The following LYST variants were observed in gnomAD, a reference collection of about 807,000 sequenced individuals.
The protein encoded by LYST is lysosomal trafficking regulator, also known as lysosomal-trafficking regulator.
Under a neutral mutation model 413.6 loss-of-function variants are expected in LYST, and 192 were observed. That is an observed-to-expected ratio of 0.46 (90% CI 0.41 to 0.52). The LOEUF (loss-of-function observed/expected upper bound fraction) is 0.52. Among genes scored for constraint, LYST ranks in the 20% least tolerant of loss-of-function variants. The pLI, the probability that LYST is intolerant of heterozygous loss-of-function variation, is 0.00. For missense variants in LYST, 3,815 were observed against 4,499.9 expected (o/e 0.85, Z 4.35); for synonymous variants, 1,525 against 1,567.3 (o/e 0.97, Z 0.64).
chr1:235,812,898 AACATTC>A (rs1381817492), intron 4 of LYST, 67 bp downstream of exon 4: 1 of 866,780 alleles, frequency 1.2e-6, no homozygotes, highest in Non-Finnish European at 2.0e-6. Flanking sequence ...ATCAGAATCA[AACATTC>A]AGGCAGAAGT....
chr1:235,687,407 T>G (rs1192442300), intron 47 of LYST, among the ~76,000 whole-genome samples: 1 of 152,250 alleles, frequency 6.6e-6, no homozygotes, highest in East Asian at 1.9e-4. Context: ...GTACTTCACA[T>G]ATTTATTTGC....
At chr1:235,689,266 A>C (rs1660466367) in intron 47 of LYST, among the ~76,000 whole-genome samples, 1 of 152,128 alleles carries the variant, frequency 6.6e-6, no homozygotes, top group Admixed American at 6.5e-5. Context: ...GATACAAATA[A>C]TTTTGCAATG....
Position 235,774,950 on chromosome 1 carries a change from A to G in LYST, c.5597T>C (p.Ile1866Thr), listed in dbSNP as rs1329208131. ...AAACCCAACAATGCATTTTTGTTTGATCAACACCTGATGAATCATAGAAAG... is the reference window on the plus strand; with the variant it reads ...AAACCCAACAATGCATTTTTGTTTGGTCAACACCTGATGAATCATAGAAAG... ...NGLSMIHQVL[I>T]KQKCIVGFYI... Residue 1866 changes from isoleucine to threonine, a missense_variant, in exon 18 of 53, where the codon ATC (isoleucine) becomes ACC (threonine). Ile to Thr is a moderately conservative substitution (Grantham distance 89). Coordinates refer to ENST00000389793, the MANE Select transcript of LYST (RefSeq NM_000081.4). The G allele has an allele frequency of 5.6e-6, 9 of 1,610,832 alleles. No individual in the cohort carries two copies. The highest frequency in any genetic ancestry group is 6.8e-6 in the Non-Finnish European group (8 of 1,178,772).
intron 31 of LYST, 107 bp downstream of exon 31, chr1:235,741,315 A>AT (rs1269648174): frequency 1.1e-5 from 11 of 1,004,442 alleles, no homozygotes; most frequent in Non-Finnish European, 1.7e-5. Flanking sequence ...AGAAAATTAT[A>AT]TTTATAAATT....
intron 43 of LYST, among the ~76,000 whole-genome samples, chr1:235,711,731 C>T (rs1662417468): frequency 6.6e-6 from 1 of 151,934 alleles, no homozygotes; most frequent in African/African-American, 2.4e-5. Flanking sequence ...AAAGTCATAC[C>T]TCTTATTTTT....
At chr1:235,722,518 C>T (rs1663469851) in intron 39 of LYST, among the ~76,000 whole-genome samples, 2 of 152,166 alleles carry the variant, frequency 1.3e-5, no homozygotes, top group South Asian at 4.1e-4. Flanking sequence ...TGGAGTCTCA[C>T]TCTGTTGCCC....
Position 235,697,122 on chromosome 1 carries a change from G to A in LYST, c.10525C>T (p.Arg3509Trp), listed in dbSNP as rs745483295. The A allele has an allele frequency of 3.7e-5, 59 of 1,614,000 alleles. No homozygotes were observed. The highest frequency in any genetic ancestry group is 1.6e-4 in the Middle Eastern group (1 of 6,084). Residue 3509 changes from arginine to tryptophan, a missense_variant, in exon 46 of 53, where the codon CGG (arginine) becomes TGG (tryptophan). Coordinates refer to ENST00000389793, the MANE Select transcript of LYST (RefSeq NM_000081.4). ...LPTRAICGLS[R>W]NFCLLMTYSK... is the part of the protein sequence containing the mutation. ...TATGTCATCAGAAGACAGAAATTCC[G>A]TGACAAACCACAGATTGCTCTGGTG...
chr1:235,775,620 TG>T (rs764243780), intron 17 of LYST, among the ~76,000 whole-genome samples: 1 of 152,160 alleles, frequency 6.6e-6, no homozygotes, highest in Non-Finnish European at 1.5e-5. Context: ...ATAGGTATTC[TG>T]GAGAGCACAG....
At chr1:235,840,810 G>A (rs1233556382) in intron 1 of LYST, among the ~76,000 whole-genome samples, 1 of 152,170 alleles carries the variant, frequency 6.6e-6, no homozygotes, top group East Asian at 1.9e-4. Flanking sequence ...AAATGGTAAG[G>A]ATATTTTTTT....
Position 235,806,720 on chromosome 1 carries a change from A to G in LYST, c.2416T>C (p.Leu806=), listed in dbSNP as rs754404744. The G allele has an allele frequency of 5.6e-6, 9 of 1,613,368 alleles. No individual in the cohort carries two copies. The highest frequency in any genetic ancestry group is 7.6e-6 in the Non-Finnish European group (9 of 1,179,458). The change falls in exon 6 of 53, where the codon TTA becomes CTA. Residue 806 remains leucine, a synonymous_variant. Coordinates refer to ENST00000389793, the MANE Select transcript of LYST (RefSeq NM_000081.4). The stretch of plus-strand genomic sequence containing the variant: ...CTTCGAATACCATTTAAGCAATTTA[A>G]TTCGATTATTTGACTTACTCCATTA... ...SCNGVSQIIE[L]NCLNGIRSHS... is the part of the protein sequence containing the mutation.
intron 40 of LYST, among the ~76,000 whole-genome samples, chr1:235,717,245 T>C (rs1662926807): frequency 6.6e-6 from 1 of 152,164 alleles, no homozygotes; most frequent in Admixed American, 6.5e-5. Flanking sequence ...TAGTTAAAAC[T>C]GAAGAAACAA....
At chr1:235,763,814 A>T (rs1353139817) in intron 21 of LYST, among the ~76,000 whole-genome samples, 1 of 152,082 alleles carries the variant, frequency 6.6e-6, no homozygotes, top group African/African-American at 2.4e-5. Flanking sequence ...GCTATAATGC[A>T]GGCTTTATCA....
chr1:235,782,215 G>GT, intron 14 of LYST, 128 bp from the exon 15 acceptor site: 1 of 792,012 alleles, frequency 1.3e-6, no homozygotes. Context: ...GTCTCGCTCT[G>GT]TTGCCCAGGT....
chr1:235,718,648 T>C (rs998507005), intron 40 of LYST, among the ~76,000 whole-genome samples: 8 of 152,198 alleles, frequency 5.3e-5, no homozygotes. Flanking sequence ...AGTGAAATAT[T>C]TGGAGTCCAT....
chr1:235,755,731 G>A (rs1666981195), intron 24 of LYST, 84 bp from the exon 25 acceptor site: 4 of 767,290 alleles, frequency 5.2e-6, no homozygotes, highest in Non-Finnish European at 8.9e-6. Context: ...AACTGTATTT[G>A]TAAATTAAGT....
chr1:235,730,964 T>C lies in LYST; in HGVS notation c.8948-21A>G, dbSNP rs1664327300. On this transcript the variant is annotated intron_variant, in intron 35 of 52. Coordinates refer to ENST00000389793, the MANE Select transcript of LYST (RefSeq NM_000081.4). ...AACATCTGTTGAGGAGAAAAGTAAATATTATCTTTATCTAATGACCATAGT... is the reference window on the plus strand; with the variant it reads ...AACATCTGTTGAGGAGAAAAGTAAACATTATCTTTATCTAATGACCATAGT... The C allele has an allele frequency of 3.7e-6, 6 of 1,606,926 alleles. No homozygotes were observed. In the African/African-American group the frequency reaches 4.0e-5, roughly 11 times the overall value.
At chr1:235,756,801 A>C (rs995640724) in intron 24 of LYST, among the ~76,000 whole-genome samples, 2 of 152,164 alleles carry the variant, frequency 1.3e-5, no homozygotes, top group Non-Finnish European at 2.9e-5. Context: ...ATAAATAATA[A>C]GTAAGATTAG....
intron 31 of LYST, chr1:235,738,559 G>C (rs1469156626): frequency 1.2e-6 from 2 of 1,610,902 alleles, no homozygotes; most frequent in East Asian, 4.5e-5. Context: ...AGCTGTCATG[G>C]GTGAGTCCTT....
chr1:235,803,220 C>T (rs180684417), intron 7 of LYST, among the ~76,000 whole-genome samples, 156 bp from the exon 8 acceptor site: 1 of 152,204 alleles, frequency 6.6e-6, no homozygotes, highest in East Asian at 1.9e-4. Flanking sequence ...GAAATTCACT[C>T]AGCAAAATTT....
Sources: gnomAD v4.1 joint callset for allele counts (sites outside exome capture counted in the v4.1 genomes callset) on GRCh38, gnomAD v4.1.1 for gene constraint, MANE v1.5 for transcripts, NCBI Gene and HGNC (gene_info 2026-07-23, HGNC 2026-07-21) for gene names.